TANC2: variants seen among roughly 807,000 people sequenced by gnomAD.
The protein encoded by TANC2 is protein TANC2.
In TANC2, 26 loss-of-function variants were observed where a neutral mutation model predicts 210.5. That is an observed-to-expected ratio of 0.12 (90% CI 0.09 to 0.17). The LOEUF (loss-of-function observed/expected upper bound fraction) is 0.17, where lower values mean the gene tolerates loss of function less well. Among genes scored for constraint, TANC2 ranks in the 10% least tolerant of loss-of-function variants. The pLI, the probability that TANC2 is intolerant of heterozygous loss-of-function variation, is 1.00. For missense variants in TANC2, 2,129 were observed against 2,608.9 expected (o/e 0.82, Z 4.01); for synonymous variants, 931 against 967.1 (o/e 0.96, Z 0.69).
chr17:63,121,705 A>G (rs2038486030), intron 4 of TANC2, among the ~76,000 whole-genome samples: 1 of 152,182 alleles, frequency 6.6e-6, no homozygotes, highest in Non-Finnish European at 1.5e-5. Context: ...TTTCTCCTAT[A>G]AATTTGCATA....
At chr17:63,121,718 C>T (rs1178293623) in intron 4 of TANC2, among the ~76,000 whole-genome samples, 1 of 152,030 alleles carries the variant, frequency 6.6e-6, no homozygotes, top group Non-Finnish European at 1.5e-5. Flanking sequence ...TTTGCATACC[C>T]CAACATAATA....
In TANC2 at chr17:63,137,291, C is replaced by T. The variant is rs2039123278; in HGVS notation, c.323-13979C>T. On this transcript the variant is annotated intron_variant, in intron 4 of 27. Coordinates refer to ENST00000689528, the Ensembl canonical transcript of TANC2. ...CAATTGACTTACCTGCTTTGGAGGG[C>T]CAGGAACCAGCTACTTGGCCTGACT... 2.6e-5 allele frequency among the ~76,000 whole-genome samples: 4 copies of T among 152,100 alleles called. No homozygotes were observed. The South Asian group carries it at 8.3e-4, about 32-fold the overall frequency.
chr17:63,214,859 T>G (rs534193773), intron 7 of TANC2, among the ~76,000 whole-genome samples: 2 of 152,296 alleles, frequency 1.3e-5, no homozygotes, highest in Non-Finnish European at 2.9e-5. Flanking sequence ...GAGTATCTGG[T>G]CTCACCCTGG....
chr17:62,989,459 ATT>A (rs1340868657), intron 1 of TANC2, among the ~76,000 whole-genome samples: 1 of 152,164 alleles, frequency 6.6e-6, no homozygotes, highest in African/African-American at 2.4e-5. Flanking sequence ...TCTTGATGTT[ATT>A]TATAAGAATG....
chr17:63,375,491 C>A (rs2047396921), intron 14 of TANC2, among the ~76,000 whole-genome samples: 1 of 152,158 alleles, frequency 6.6e-6, no homozygotes, highest in South Asian at 2.1e-4. Flanking sequence ...CAAGCACAAG[C>A]TTTTTTACAT....
At chr17:63,121,506 TTTGAATACTTACCAA>T (rs1400356525) in intron 4 of TANC2, among the ~76,000 whole-genome samples, 10 of 152,280 alleles carry the variant, frequency 6.6e-5, no homozygotes, top group Non-Finnish European at 1.5e-4. Context: ...GGCAAAGGCA[TTTGAATACTTACCAA>T]AGGGATCTGG....
chr17:63,181,881 T>C lies in TANC2; in HGVS notation c.434-12110T>C, dbSNP rs1431276911. ...GCATCACTCCTGTTCTCATCTACCT[T>C]CAGCTTCCAGTGTACTTGCCTCGTG... On this transcript the variant is annotated intron_variant, in intron 5 of 27. Transcript: ENST00000689528. Among the ~76,000 whole-genome samples the C allele has an allele frequency of 3.3e-5, 5 of 152,210 alleles. No homozygotes were observed. In the East Asian group the frequency reaches 9.6e-4, roughly 29 times the overall value.
intron 3 of TANC2, among the ~76,000 whole-genome samples, chr17:63,084,114 G>T (rs2036874391): frequency 6.6e-6 from 1 of 152,094 alleles, no homozygotes; most frequent in South Asian, 2.1e-4. Flanking sequence ...TCTGGGCCTG[G>T]TGCTTTCTGT....
At chr17:63,372,012 T>C (rs528460938) in intron 14 of TANC2, among the ~76,000 whole-genome samples, 3 of 152,284 alleles carry the variant, frequency 2.0e-5, no homozygotes, top group African/African-American at 7.2e-5. Context: ...TCTCTGACTT[T>C]TGTCAAAACA....
intron 1 of TANC2, among the ~76,000 whole-genome samples, chr17:62,985,335 C>G (rs946005321): frequency 6.6e-6 from 1 of 152,084 alleles, no homozygotes; most frequent in Non-Finnish European, 1.5e-5. Context: ...GACAATTTGA[C>G]TGTAATGTGC....
intron 14 of TANC2, among the ~76,000 whole-genome samples, chr17:63,356,046 A>G (rs1322944237): frequency 6.6e-6 from 1 of 152,094 alleles, no homozygotes; most frequent in East Asian, 1.9e-4. Flanking sequence ...AGGGGCACAC[A>G]CCAGAATAGG....
chr17:63,035,196 A>G (rs2034922522), intron 2 of TANC2, among the ~76,000 whole-genome samples: 2 of 152,224 alleles, frequency 1.3e-5, no homozygotes, highest in African/African-American at 2.4e-5. Context: ...TCCACCAGCA[A>G]AAAGATCCCA....
chr17:63,276,893 C>G (rs374826642), intron 9 of TANC2, among the ~76,000 whole-genome samples: 14 of 152,164 alleles, frequency 9.2e-5, no homozygotes, highest in African/African-American at 3.4e-4. Context: ...GAAACTATGT[C>G]ATAGACAACT....
At chr17:63,359,225 A>G (rs775014413) in intron 14 of TANC2, among the ~76,000 whole-genome samples, 2 of 151,592 alleles carry the variant, frequency 1.3e-5, no homozygotes, top group African/African-American at 2.4e-5. Flanking sequence ...CACCATGCCT[A>G]ATTTTTTTTG....
At chr17:63,415,578 G>C in exon 26 of TANC2, 1 of 1,613,888 alleles carries the variant, frequency 6.2e-7, no homozygotes, top group South Asian at 1.1e-5. Context: ...CCCTGAAGAA[G>C]TTCCCTAGAG....
intron 8 of TANC2, among the ~76,000 whole-genome samples, chr17:63,263,994 C>T (rs894792887): frequency 5.3e-5 from 8 of 152,160 alleles, no homozygotes; most frequent in Admixed American, 2.6e-4. Flanking sequence ...TGTACCCACT[C>T]ATCTCAGGTT....
At chr17:63,224,990 C>G (rs1023710089) in intron 7 of TANC2, among the ~76,000 whole-genome samples, 5 of 152,124 alleles carry the variant, frequency 3.3e-5, no homozygotes, top group Non-Finnish European at 7.4e-5. Context: ...TTTTTTCTGC[C>G]TATTTTATTC....
chr17:63,214,008 A>AG (rs919671276), intron 7 of TANC2, among the ~76,000 whole-genome samples: 2 of 152,190 alleles, frequency 1.3e-5, no homozygotes, highest in Non-Finnish European at 2.9e-5. Flanking sequence ...GAAAGGAAAG[A>AG]GAAAAAATGT....
intron 4 of TANC2, among the ~76,000 whole-genome samples, chr17:63,103,743 A>C (rs2037718671): frequency 6.6e-6 from 1 of 152,224 alleles, no homozygotes; most frequent in Admixed American, 6.5e-5. Context: ...ACCAGTGGGA[A>C]CTTTAAAGCT....
Sources: allele counts gnomAD v4.1 joint callset (sites outside exome capture counted in the v4.1 genomes callset), GRCh38; gene constraint gnomAD v4.1.1; transcripts MANE v1.5; gene names NCBI Gene and HGNC (gene_info 2026-07-23, HGNC 2026-07-21).